The following PRKD3 variants were observed in gnomAD, a reference collection of about 807,000 sequenced individuals.
PRKD3 encodes protein kinase D3, also known as serine/threonine-protein kinase D3.
In PRKD3, 47 loss-of-function variants were observed where a neutral mutation model predicts 99.2. The observed-to-expected ratio is 0.47, with a 90% CI of 0.38 to 0.60. The LOEUF (loss-of-function observed/expected upper bound fraction) is 0.60. PRKD3 is among the 20% of genes least tolerant of loss of function. PRKD3 has a pLI of 0.00. For missense variants in PRKD3, 1,019 were observed against 1,088.4 expected (o/e 0.94, Z 0.90); for synonymous variants, 392 against 355.4 (o/e 1.10, Z -1.16).
At position 37,290,975 on chromosome 2, in the gene PRKD3, T is replaced by C. The variant is rs201224041; in HGVS notation, c.452A>G (p.Gln151Arg). The C allele has an allele frequency of 1.9e-6, 3 of 1,609,158 alleles. No homozygotes were observed. In the East Asian group the frequency reaches 6.7e-5, roughly 36 times the overall value. The change falls in exon 4 of 19, where the codon CAG becomes CGG. Residue 151 changes from glutamine to arginine, a missense_variant. By Grantham distance (43) the Gln-to-Arg change is conservative. Coordinates refer to ENST00000234179, the MANE Select transcript of PRKD3 (RefSeq NM_005813.6). ...LSALATVEDF[Q>R]IRPHTLYVHS... is the part of the protein sequence containing the mutation. ...TACATAGAGAGTATGTGGACGAATC[T>C]GGAAGTCTTCTACTGTGGCTAAAGC...
Position 37,316,613 on chromosome 2 carries a change from A to C in PRKD3, c.-89T>G. ...TAAAATAACAGCAGTAAAGAAAATG[A>C]CCGCACTTTTGGATTTAGTTGAAAA... On this transcript the variant is annotated 5_prime_UTR_variant, in exon 2 of 19. Coordinates refer to ENST00000234179, the MANE Select transcript of PRKD3 (RefSeq NM_005813.6). The C allele has an allele frequency of 6.6e-7, 1 of 1,514,758 alleles. No individual in the cohort carries two copies. 93.8% of individuals were successfully genotyped at this position (1,514,758 alleles called of 1,614,324 possible). A position where few individuals can be genotyped will look rare whatever the true frequency, so the allele number is the denominator to read the frequency against.
chr2:37,284,476 T>C (rs906456712), intron 6 of PRKD3, among the ~76,000 whole-genome samples: 1 of 152,234 alleles, frequency 6.6e-6, no homozygotes, highest in Admixed American at 6.5e-5. Context: ...AGAATGTTTC[T>C]GTTCTGCTTA....
intron 1 of PRKD3, among the ~76,000 whole-genome samples, chr2:37,320,502 A>G (rs542464343): frequency 7.9e-6 from 1 of 126,762 alleles, no homozygotes; most frequent in East Asian, 2.6e-4. Context: ...CGCGATCTTG[A>G]CTGATTGCAG....
intron 2 of PRKD3, among the ~76,000 whole-genome samples, chr2:37,309,618 G>C (rs1206254003): frequency 1.3e-5 from 2 of 152,178 alleles, no homozygotes; most frequent in African/African-American, 4.8e-5. Context: ...GGGAGGCCAA[G>C]GCTGGCAGAT....
chr2:37,296,527 A>G (rs1056093774), intron 2 of PRKD3, among the ~76,000 whole-genome samples: 3 of 152,144 alleles, frequency 2.0e-5, no homozygotes, highest in African/African-American at 7.2e-5. Flanking sequence ...AAAAAATGTA[A>G]TAGCCAGCCT....
chr2:37,295,052 G>A (rs1284180101), intron 2 of PRKD3, among the ~76,000 whole-genome samples: 1 of 152,142 alleles, frequency 6.6e-6, no homozygotes, highest in Non-Finnish European at 1.5e-5. Context: ...TCCAGTCTGG[G>A]TGACTGACAG....
chr2:37,276,093 G>A (rs1669555776), intron 9 of PRKD3, among the ~76,000 whole-genome samples: 1 of 152,058 alleles, frequency 6.6e-6, no homozygotes, highest in African/African-American at 2.4e-5. Flanking sequence ...AATCCTTGTA[G>A]AGAATTTCAT....
chr2:37,310,962 T>C (rs1671399257), intron 2 of PRKD3, among the ~76,000 whole-genome samples: 1 of 152,182 alleles, frequency 6.6e-6, no homozygotes, highest in South Asian at 2.1e-4. Context: ...GCAGAGATTA[T>C]CACGAATTTC....
At chr2:37,270,554 T>G (rs954968838) in intron 12 of PRKD3, among the ~76,000 whole-genome samples, 2 of 152,194 alleles carry the variant, frequency 1.3e-5, no homozygotes, top group Non-Finnish European at 2.9e-5. Flanking sequence ...AATATACTAA[T>G]TTGGGATGTT....
intron 8 of PRKD3, chr2:37,278,222 C>CA: frequency 1.7e-5 from 4 of 239,082 alleles, no homozygotes; most frequent in South Asian, 8.0e-5. Context: ...TCTGGAGGGC[C>CA]ACAAAAAAAA....
At chr2:37,308,163 C>T (rs1481433889) in intron 2 of PRKD3, among the ~76,000 whole-genome samples, 2 of 152,138 alleles carry the variant, frequency 1.3e-5, no homozygotes, top group Non-Finnish European at 2.9e-5. Context: ...GTTTTTCTTA[C>T]CAATACATGA....
chr2:37,310,759 C>T (rs1457259454), intron 2 of PRKD3, among the ~76,000 whole-genome samples: 1 of 152,078 alleles, frequency 6.6e-6, no homozygotes, highest in East Asian at 1.9e-4. Context: ...GTGTTCAAGG[C>T]TAGTTAAAAG....
In PRKD3 at chr2:37,316,552, T is replaced by C. The variant is rs772398640; in HGVS notation, c.-28A>G. ...GCCTTTCTTTAATCTTTTAAAATAG[T>C]TGTCGATTCTTTTTCAATGGTTATG... On this transcript the variant is annotated 5_prime_UTR_variant, in exon 2 of 19. Coordinates refer to ENST00000234179, the MANE Select transcript of PRKD3 (RefSeq NM_005813.6). 1.5e-5 allele frequency: 24 copies of C among 1,590,684 alleles called. No homozygotes were observed. Among genetic ancestry groups the C allele is most frequent in the East Asian group, 1.1e-4 (5 of 44,678 alleles).
In PRKD3 at chr2:37,274,569, A is replaced by G. The variant is rs566328788; in HGVS notation, c.1503T>C (p.Asn501=). Residue 501 remains asparagine (N), a synonymous_variant, in exon 11 of 19, where the codon AAT becomes AAC. Coordinates refer to ENST00000234179, the MANE Select transcript of PRKD3 (RefSeq NM_005813.6). ...GAACAGGATTATGAGAGCTGTCCCC[A>G]TTGTTCTCACCAACGAAGTATACCA... ...DTMVYFVGEN[N]GDSSHNPVLA... The G allele has an allele frequency of 5.6e-6, 9 of 1,614,118 alleles. No homozygotes were observed. The South Asian group carries it at 9.9e-5, about 18-fold the overall frequency.
chr2:37,280,251 G>A (rs933281071), intron 7 of PRKD3, among the ~76,000 whole-genome samples: 1 of 151,398 alleles, frequency 6.6e-6, no homozygotes, highest in Non-Finnish European at 1.5e-5. Context: ...CGCCATGTTG[G>A]CCAGGCTGGT....
chr2:37,261,703 C>T (rs770115555), intron 14 of PRKD3, among the ~76,000 whole-genome samples: 1 of 152,190 alleles, frequency 6.6e-6, no homozygotes, highest in Non-Finnish European at 1.5e-5. Context: ...TTGCTTGAAC[C>T]TGGGAGGCAG....
intron 12 of PRKD3, among the ~76,000 whole-genome samples, chr2:37,271,472 A>G (rs1014588880): frequency 1.3e-5 from 2 of 152,208 alleles, no homozygotes; most frequent in African/African-American, 4.8e-5. Flanking sequence ...TGTCACAACC[A>G]CATAGCTGCA....
chr2:37,313,278 G>A (rs1014548425), intron 2 of PRKD3, among the ~76,000 whole-genome samples: 1 of 151,964 alleles, frequency 6.6e-6, no homozygotes, highest in Non-Finnish European at 1.5e-5. Context: ...GACAACAGGT[G>A]GTGGGCCAGA....
At chr2:37,310,751 G>A (rs1671389067) in intron 2 of PRKD3, among the ~76,000 whole-genome samples, 1 of 152,208 alleles carries the variant, frequency 6.6e-6, no homozygotes, top group African/African-American at 2.4e-5. Flanking sequence ...ATGAAAGGGT[G>A]TTCAAGGCTA....
Sources: gnomAD v4.1 joint callset for allele counts (sites outside exome capture counted in the v4.1 genomes callset) on GRCh38, gnomAD v4.1.1 for gene constraint, MANE v1.5 for transcripts, NCBI Gene and HGNC (gene_info 2026-07-23, HGNC 2026-07-21) for gene names.